Variants in EYA2 observed in about 807,000 individuals in gnomAD.
The protein encoded by EYA2 is protein phosphatase EYA2.
In EYA2, 31 loss-of-function variants were observed where a neutral mutation model predicts 69.2. The ratio of observed to expected loss-of-function variants is 0.45; its 90% confidence interval spans 0.34 to 0.60. The LOEUF is 0.60. Among genes scored for constraint, EYA2 ranks in the 20% least tolerant of loss-of-function variants. The pLI is 0.02. For synonymous variants in EYA2, 257 were observed against 279.4 expected (o/e 0.92, Z 0.80); for missense variants, 622 against 701.2 (o/e 0.89, Z 1.28).
intron 1 of EYA2, among the ~76,000 whole-genome samples, chr20:46,969,961 A>G (rs982026621): frequency 1.3e-5 from 2 of 152,226 alleles, no homozygotes; most frequent in African/African-American, 2.4e-5. Context: ...CCTATAATTA[A>G]AAGTGTGCTA....
intron 4 of EYA2, 56 bp downstream of exon 4, chr20:47,005,140 G>T (rs562376479): frequency 2.3e-4 from 361 of 1,587,452 alleles, no homozygotes; most frequent in Non-Finnish European, 2.1e-4. Context: ...CATGGTCTTT[G>T]TTCTGCACTA....
Position 46,986,708 on chromosome 20 carries a change from A to G in EYA2, c.-10-3293A>G, listed in dbSNP as rs982290386. ...TGGAAGGTGGAGGGCCAGCAGGCACATCCCACGGTAACAGAAGGCGCAAGA... is the reference window on the plus strand; with the variant it reads ...TGGAAGGTGGAGGGCCAGCAGGCACGTCCCACGGTAACAGAAGGCGCAAGA... On this transcript the variant is annotated intron_variant, in intron 1 of 15. Transcript: ENST00000327619. Among the ~76,000 whole-genome samples the G allele has an allele frequency of 2.0e-5, 3 of 152,246 alleles. No individual in the cohort carries two copies. The East Asian group carries it at 5.8e-4, about 29-fold the overall frequency.
At chr20:46,973,500 T>A (rs1430074410) in intron 1 of EYA2, among the ~76,000 whole-genome samples, 1 of 151,770 alleles carries the variant, frequency 6.6e-6, no homozygotes, top group African/African-American at 2.4e-5. Flanking sequence ...ACACAAGGAG[T>A]GAGTGTGAAT....
intron 1 of EYA2, among the ~76,000 whole-genome samples, chr20:46,936,360 A>G (rs1985908703): frequency 6.6e-6 from 1 of 152,152 alleles, no homozygotes; most frequent in East Asian, 1.9e-4. Flanking sequence ...AGTCCCAGCT[A>G]CTCGGAAGGC....
chr20:47,186,430 A>G (rs6012129), intron 15 of EYA2, among the ~76,000 whole-genome samples: 88,476 of 146,212 alleles, frequency 0.61, 27,904 homozygotes, highest in African/African-American at 0.82. Flanking sequence ...CATGATCTCA[A>G]CTCACTGCAT....
intron 1 of EYA2, among the ~76,000 whole-genome samples, chr20:46,988,678 T>C (rs914828): frequency 0.71 from 108,248 of 152,114 alleles, 43,772 homozygotes; most frequent in Non-Finnish European, 0.93. Context: ...AGAAACCTTA[T>C]TTTCTAAACC....
intron 1 of EYA2, among the ~76,000 whole-genome samples, chr20:46,985,932 A>G (rs1377193558): frequency 6.6e-6 from 1 of 152,172 alleles, no homozygotes; most frequent in East Asian, 1.9e-4. Context: ...TGCTGCTTCT[A>G]ATACTCTCAT....
intron 5 of EYA2, among the ~76,000 whole-genome samples, chr20:47,071,622 C>T (rs1223814685): frequency 2.6e-5 from 4 of 152,140 alleles, no homozygotes. Flanking sequence ...TTATTAAGGA[C>T]CAGGATCTGG....
At chr20:46,957,578 C>A (rs1741516) in intron 1 of EYA2, among the ~76,000 whole-genome samples, 22,516 of 66,404 alleles carry the variant, frequency 0.34, 2,439 homozygotes, top group Admixed American at 0.44. Context: ...CACACACACA[C>A]GAAGACAATG....
chr20:46,903,517 C>T (rs916552661), intron 1 of EYA2, among the ~76,000 whole-genome samples: 3 of 152,138 alleles, frequency 2.0e-5, no homozygotes, highest in East Asian at 1.9e-4. Flanking sequence ...CTTTCAGCCT[C>T]GAGATTAAGA....
chr20:47,090,229 C>CTTTTT (rs60732138), intron 8 of EYA2, among the ~76,000 whole-genome samples: 3 of 122,070 alleles, frequency 2.5e-5, no homozygotes, highest in Non-Finnish European at 3.3e-5. Flanking sequence ...ATGCTCCAAT[C>CTTTTT]TTTTTTTTTT....
At chr20:47,001,597 C>T in intron 3 of EYA2, 124 bp downstream of exon 3, 1 of 1,003,886 alleles carries the variant, frequency 1.0e-6, no homozygotes, top group Non-Finnish European at 1.5e-6. Flanking sequence ...CGTAGCACTT[C>T]CTAGCTGAGT....
At chr20:46,970,899 A>G (rs1279785740) in intron 1 of EYA2, among the ~76,000 whole-genome samples, 2 of 151,780 alleles carry the variant, frequency 1.3e-5, no homozygotes, top group African/African-American at 4.8e-5. Context: ...TTACACGGAA[A>G]TATTGACAAA....
intron 2 of EYA2, among the ~76,000 whole-genome samples, chr20:47,000,821 C>T (rs899536808): frequency 6.6e-6 from 1 of 152,092 alleles, no homozygotes; most frequent in African/African-American, 2.4e-5. Flanking sequence ...AGGAGATGAT[C>T]GAAGTGGTTC....
chr20:47,122,455 G>A (rs1482886654), intron 9 of EYA2, among the ~76,000 whole-genome samples: 1 of 151,580 alleles, frequency 6.6e-6, no homozygotes, highest in East Asian at 1.9e-4. Flanking sequence ...CACCGCACCC[G>A]GCTAATTTTT....
intron 2 of EYA2, among the ~76,000 whole-genome samples, chr20:46,992,081 C>T (rs1175534793): frequency 1.3e-5 from 2 of 151,268 alleles, no homozygotes; most frequent in African/African-American, 4.9e-5. Flanking sequence ...GAATCCCCGC[C>T]TCTCCCTTTT....
chr20:47,018,605 C>T (rs769991433), intron 5 of EYA2, among the ~76,000 whole-genome samples: 4 of 152,174 alleles, frequency 2.6e-5, no homozygotes, highest in South Asian at 4.1e-4. Context: ...TGGGCCGGGC[C>T]GTACAGGCAG....
intron 1 of EYA2, among the ~76,000 whole-genome samples, chr20:46,985,970 T>C (rs1981155012): frequency 6.6e-6 from 1 of 152,214 alleles, no homozygotes. Context: ...AAACTAGTGA[T>C]ATTTTTTAAC....
chr20:47,066,196 G>T (rs535483834), intron 5 of EYA2, among the ~76,000 whole-genome samples: 46 of 152,166 alleles, frequency 3.0e-4, no homozygotes, highest in African/African-American at 1.1e-3. Context: ...GCCAGATGTG[G>T]TGGCATGCTC....
Sources: gnomAD v4.1 joint callset for allele counts (sites outside exome capture counted in the v4.1 genomes callset) on GRCh38, gnomAD v4.1.1 for gene constraint, MANE v1.5 for transcripts, NCBI Gene and HGNC (gene_info 2026-07-23, HGNC 2026-07-21) for gene names.